The following AVL9 variants were observed in gnomAD, a reference collection of about 807,000 sequenced individuals.
The protein encoded by AVL9 is AVL9 cell migration associated.
AVL9 carries 49 observed loss-of-function variants against 79.2 expected under a neutral mutation model. The ratio of observed to expected loss-of-function variants is 0.62; its 90% CI spans 0.49 to 0.79. The LOEUF (loss-of-function observed/expected upper bound fraction) is 0.79. AVL9 is among the 30% of genes least tolerant of loss of function. The probability of loss-of-function intolerance (pLI) is 0.00; values close to 1 mark genes in which losing one functional copy is unlikely to be tolerated. For synonymous variants in AVL9, 299 were observed against 280.6 expected (o/e 1.07, Z -0.65); for missense variants, 682 against 776.8 (o/e 0.88, Z 1.45).
intron 10 of AVL9, among the ~76,000 whole-genome samples, chr7:32,566,108 G>T (rs1258925162): frequency 6.7e-6 from 1 of 148,236 alleles, no homozygotes; most frequent in African/African-American, 2.5e-5. Context: ...ATGCACTCCA[G>T]CCTGGGCAAA....
At chr7:32,580,350 G>A (rs1303540470) in intron 14 of AVL9, 78 bp downstream of exon 14, 1 of 1,162,092 alleles carries the variant, frequency 8.6e-7, no homozygotes, top group East Asian at 2.4e-5. Context: ...ATTGGGAATT[G>A]TTTTTCTCTA....
intron 1 of AVL9, among the ~76,000 whole-genome samples, chr7:32,519,070 G>T (rs1314940922): frequency 6.6e-6 from 1 of 152,162 alleles, no homozygotes; most frequent in Non-Finnish European, 1.5e-5. Context: ...ATGATTATAT[G>T]TGCCATGTGG....
chr7:32,544,864 G>A, intron 3 of AVL9, 85 bp downstream of exon 3: 1 of 946,458 alleles, frequency 1.1e-6, no homozygotes, highest in South Asian at 1.6e-5. Context: ...TTTCAGTGGT[G>A]CCTGTAATGT....
At chr7:32,500,134 G>T (rs540086409) in intron 1 of AVL9, among the ~76,000 whole-genome samples, 18 of 152,204 alleles carry the variant, frequency 1.2e-4, no homozygotes, top group Admixed American at 1.2e-3. Context: ...TGGGTCAAAT[G>T]GTATTTCTGG....
At chr7:32,536,060 T>G (rs1296408371) in intron 1 of AVL9, 1 of 152,252 alleles carries the variant, frequency 6.6e-6, no homozygotes, top group African/African-American at 2.4e-5. Flanking sequence ...TAATTAAACC[T>G]TTCCTTTATA....
intron 4 of AVL9, among the ~76,000 whole-genome samples, chr7:32,551,101 A>AGCCAG (rs1789794389): frequency 6.6e-6 from 1 of 152,176 alleles, no homozygotes; most frequent in African/African-American, 2.4e-5. Flanking sequence ...AGCAAGTCTG[A>AGCCAG]GCCCACACTC....
At chr7:32,567,202 T>C (rs1023960776) in intron 10 of AVL9, among the ~76,000 whole-genome samples, 5 of 152,100 alleles carry the variant, frequency 3.3e-5, no homozygotes, top group African/African-American at 1.2e-4. Flanking sequence ...CCTAGGCTCA[T>C]GGGATCCTCC....
At chr7:32,557,577 C>A (rs1430263063) in intron 8 of AVL9, among the ~76,000 whole-genome samples, 1 of 152,084 alleles carries the variant, frequency 6.6e-6, no homozygotes, top group Non-Finnish European at 1.5e-5. Context: ...TAGCAAAAAT[C>A]CTACACAGGT....
At chr7:32,521,147 G>A (rs997678342) in intron 1 of AVL9, among the ~76,000 whole-genome samples, 11 of 152,002 alleles carry the variant, frequency 7.2e-5, no homozygotes, top group African/African-American at 2.2e-4. Context: ...TCAGCAGCAC[G>A]AAAACAGACT....
At position 32,510,834 on chromosome 7, in the gene AVL9, T is replaced by C. The variant is rs139042643; in HGVS notation, c.93+15032T>C. ...CTGCCCCAGTATGAGGGAAGCCGTC[T>C]CTCCAGGGTGAGATTCATGAGCCAT... is the stretch of plus-strand genomic sequence containing the variant. On this transcript the variant is annotated intron_variant, in intron 1 of 15. Coordinates refer to ENST00000318709, the MANE Select transcript of AVL9 (RefSeq NM_015060.3). Among the ~76,000 whole-genome samples, 737 of 124,184 alleles carry C rather than the reference T, an allele frequency of 5.9e-3. 17 individuals are homozygous for C. The highest frequency in any genetic ancestry group is 0.02 in the African/African-American group (650 of 32,522). The allele number at this position is 124,184 out of a possible 152,430, so 81.5% of individuals were successfully genotyped here. A position where few individuals can be genotyped will look rare whatever the true frequency, so the allele number is the denominator to read the frequency against.
chr7:32,502,088 GCA>G (rs1378583899), intron 1 of AVL9, among the ~76,000 whole-genome samples: 1 of 151,690 alleles, frequency 6.6e-6, no homozygotes, highest in Non-Finnish European at 1.5e-5. Flanking sequence ...TACTGGCCAG[GCA>G]CAGTGGCTCA....
intron 1 of AVL9, among the ~76,000 whole-genome samples, chr7:32,530,885 G>A (rs1788616382): frequency 1.3e-5 from 2 of 152,150 alleles, no homozygotes; most frequent in Admixed American, 1.3e-4. Context: ...GAACCCAGAA[G>A]GCGGAGGTTG....
In AVL9 at chr7:32,586,858, G is replaced by A. The variant is rs1250321543; in HGVS notation, c.*2951G>A. The A allele has an allele frequency of 6.6e-6, 1 of 152,230 alleles. No individual in the cohort carries two copies. The highest frequency in any genetic ancestry group is 1.5e-5 in the Non-Finnish European group (1 of 68,062). 9.4% of individuals were successfully genotyped at this position (152,230 alleles called of 1,614,324 possible). On this transcript the variant is annotated 3_prime_UTR_variant, in exon 16 of 16. Coordinates refer to ENST00000318709, the MANE Select transcript of AVL9 (RefSeq NM_015060.3). ...GACAATGGTGTAGGTAAGGAAGAGA[G>A]AGTTAAAACTACCAGTTGTGGAATA...
intron 1 of AVL9, 34 bp from the exon 2 acceptor site, chr7:32,543,107 A>T: frequency 6.2e-7 from 1 of 1,610,788 alleles, no homozygotes; most frequent in Non-Finnish European, 8.5e-7. Context: ...CCTTTGGTCA[A>T]CCACCTTTTG....
chr7:32,503,428 C>A (rs1052769495), intron 1 of AVL9, among the ~76,000 whole-genome samples: 1 of 133,414 alleles, frequency 7.5e-6, no homozygotes, highest in Admixed American at 8.1e-5. Context: ...CTTGGTGGCA[C>A]GTGCCTGTAG....
chr7:32,524,815 T>G (rs1406754141), intron 1 of AVL9, among the ~76,000 whole-genome samples: 1 of 152,210 alleles, frequency 6.6e-6, no homozygotes, highest in African/African-American at 2.4e-5. Flanking sequence ...TTCCCAGTGA[T>G]AACTACTGGA....
At chr7:32,518,943 C>G (rs1788021079) in intron 1 of AVL9, among the ~76,000 whole-genome samples, 1 of 152,158 alleles carries the variant, frequency 6.6e-6, no homozygotes, top group Non-Finnish European at 1.5e-5. Flanking sequence ...ATTCAATAAT[C>G]TGTTTCTTTT....
Position 32,524,981 on chromosome 7 carries a change from A to G in AVL9, c.94-18160A>G, listed in dbSNP as rs541989715. ...GCTACCTGGATGTTCAAGGAGGACAATACTCATGAGCAGGGAGCTTCCTTT... is the reference window on the plus strand; with the variant it reads ...GCTACCTGGATGTTCAAGGAGGACAGTACTCATGAGCAGGGAGCTTCCTTT... On this transcript the variant is annotated intron_variant, in intron 1 of 15. Transcript: ENST00000318709. Among the ~76,000 whole-genome samples, 21 of 152,256 alleles carry G rather than the reference A, an allele frequency of 1.4e-4. No homozygotes were observed. The South Asian group carries it at 4.1e-3, about 30-fold the overall frequency.
intron 4 of AVL9, among the ~76,000 whole-genome samples, chr7:32,550,626 A>C (rs1388621499): frequency 6.6e-6 from 1 of 152,240 alleles, no homozygotes; most frequent in Non-Finnish European, 1.5e-5. Context: ...AAATGGACAT[A>C]GAAATGAGAA....
Sources: allele counts gnomAD v4.1 joint callset (sites outside exome capture counted in the v4.1 genomes callset), GRCh38; gene constraint gnomAD v4.1.1; transcripts MANE v1.5; gene names NCBI Gene and HGNC (gene_info 2026-07-23, HGNC 2026-07-21).